PYGM: variants seen among roughly 807,000 people sequenced by gnomAD.
PYGM encodes the protein glycogen phosphorylase, muscle form.
In PYGM, 81 loss-of-function variants were observed where a neutral mutation model predicts 99.3. The ratio of observed to expected loss-of-function variants is 0.82; its 90% CI spans 0.68 to 0.98. PYGM has a LOEUF of 0.98. Ranked by LOEUF, PYGM falls within the 50% of genes least tolerant of loss-of-function variation. The pLI is 0.00. For synonymous variants in PYGM, 436 were observed against 451.5 expected, an observed-to-expected ratio of 0.97 and a Z score of 0.44; for missense variants, 1,030 against 1,158.1, an observed-to-expected ratio of 0.89 and a Z score of 1.61.
chr11:64,758,541 C>T lies in PYGM; in HGVS notation c.346-26G>A, dbSNP rs757383264. ...CTGGAGGAGTGAGGGTGACAGTGGT[C>T]AGGGTCAAGTGTCAGCAGTGGAATC... On this transcript the variant is annotated intron_variant, in intron 2 of 19. Transcript: ENST00000164139. 71 of 1,613,916 alleles carry T rather than the reference C, an allele frequency of 4.4e-5. 1 individual carries two copies. In the South Asian group the frequency reaches 7.2e-4, roughly 16 times the overall value.
chr11:64,759,485 C>T (rs1592416697), intron 1 of PYGM, among the ~76,000 whole-genome samples, 171 bp downstream of exon 1: 1 of 152,212 alleles, frequency 6.6e-6, no homozygotes, highest in South Asian at 2.1e-4. Context: ...GACCCCCACT[C>T]CTGCCCCAGG....
At position 64,757,786 on chromosome 11, in the gene PYGM, TC is replaced by T. The variant is rs1284647830; in HGVS notation, c.652del (p.Asp218ThrfsTer77). Reference sequence around the variant, plus strand: ...CCCCAGCTTCATCCTCACCTGTGTGTCCACCCACTTGGCACCCTGGCTGGTG... The same window carrying T: ...CCCCAGCTTCATCCTCACCTGTGTGTCACCCACTTGGCACCCTGGCTGGTG... ...EHTSQGAKWVDTQVVLAMPYD... is the reference protein window; with the variant it reads ...EHTSQGAKWVXTQVVLAMPYD... On this transcript the variant is annotated frameshift_variant, in exon 5 of 20. Coordinates refer to ENST00000164139, the MANE Select transcript of PYGM (RefSeq NM_005609.4). LOFTEE classifies it high-confidence loss of function. The T allele has an allele frequency of 1.2e-6, 2 of 1,614,142 alleles. No individual in the cohort carries two copies. Among genetic ancestry groups the T allele is most frequent in the Non-Finnish European group, 1.7e-6 (2 of 1,180,014 alleles).
chr11:64,746,547 AG>A lies in PYGM; in HGVS notation c.*111del. On this transcript the variant is annotated 3_prime_UTR_variant, in exon 20 of 20. Transcript: ENST00000164139. Reference sequence around the variant, plus strand: ...TGAGAGTGGGGAAAATGAGGGTTCCAGGAGGGGCTTAGAGATCTAACTCCAG... The same window carrying A: ...TGAGAGTGGGGAAAATGAGGGTTCCAGAGGGGCTTAGAGATCTAACTCCAG... 1 of 1,432,488 alleles carries A rather than the reference AG, an allele frequency of 7.0e-7. No homozygotes were observed. 88.7% of individuals were successfully genotyped at this position (1,432,488 alleles called of 1,614,324 possible). A position where few individuals can be genotyped will look rare whatever the true frequency, so the allele number is the denominator to read the frequency against.
chr11:64,753,726 C>T lies in PYGM; in HGVS notation c.1240-44G>A, dbSNP rs779761879. On this transcript the variant is annotated intron_variant, in intron 10 of 19. Coordinates refer to ENST00000164139, the MANE Select transcript of PYGM (RefSeq NM_005609.4). ...GAGCTAGAACCAGACCCAGGAACCC[C>T]CATCCCCAGTCCCCAGCCCCACACC... 6 of 1,569,880 alleles carry T rather than the reference C, an allele frequency of 3.8e-6. No homozygotes were observed. The Admixed American group carries it at 1.1e-4, about 29-fold the overall frequency.
rs1454829684 is a variant in PYGM, at chr11:64,750,396, C to T, written c.2157G>A (p.Val719=). ...CATACCCTCTTTGGTCAAGCTTATC[C>T]ACATCCTCCACCCGCATGCCAAAGA... is the stretch of plus-strand genomic sequence containing the variant. The part of the protein sequence containing the change: ...FFIFGMRVED[V]DKLDQRGYNA... The change falls in exon 17 of 20, where the codon GTG becomes GTA. Residue 719 remains valine (V), a synonymous_variant. Coordinates refer to ENST00000164139, the MANE Select transcript of PYGM (RefSeq NM_005609.4). 7 of 1,614,110 alleles carry T rather than the reference C, an allele frequency of 4.3e-6. No homozygotes were observed. Among genetic ancestry groups the T allele is most frequent in the Non-Finnish European group, 5.9e-6 (7 of 1,180,014 alleles).
chr11:64,752,132 C>T (rs2058361292), intron 13 of PYGM, 61 bp from the exon 14 acceptor site: 2 of 1,610,172 alleles, frequency 1.2e-6, no homozygotes, highest in African/African-American at 1.3e-5. Flanking sequence ...ATCCTACAGT[C>T]CACACTCCAG....
chr11:64,748,747 A>G (rs1476387118), intron 17 of PYGM: 2 of 152,194 alleles, frequency 1.3e-5, no homozygotes, highest in African/African-American at 4.8e-5. Flanking sequence ...TCTCTCTCCA[A>G]TGCTAAGATA....
Position 64,759,765 on chromosome 11 carries a change from T to C in PYGM, c.134A>G (p.Asn45Ser), listed in dbSNP as rs769985937. Residue 45 changes from asparagine to serine, a missense_variant, in exon 1 of 20, where the codon AAT becomes AGT. By Grantham distance (46) the Asn-to-Ser change is conservative. Coordinates refer to ENST00000164139, the MANE Select transcript of PYGM (RefSeq NM_005609.4). ...GTAGTAGTCTCGTGGGGTGGCCACA[T>C]TGCGGTCCTTTACGAGTGTGAAATG... is the stretch of plus-strand genomic sequence containing the variant. ...HLHFTLVKDR[N>S]VATPRDYYFA... The C allele has an allele frequency of 3.1e-6, 5 of 1,614,086 alleles. No homozygotes were observed. In the South Asian group the frequency reaches 3.3e-5, roughly 11 times the overall value.
At chr11:64,759,234 C>T (rs1359667431) in intron 1 of PYGM, among the ~76,000 whole-genome samples, 1 of 152,100 alleles carries the variant, frequency 6.6e-6, no homozygotes, top group Non-Finnish European at 1.5e-5. Flanking sequence ...CACTCCCCAC[C>T]GAGGCGTGTC....
In PYGM at chr11:64,750,441, C is replaced by T. The variant is rs61737361; in HGVS notation, c.2112G>A (p.Ala704=). 199 of 1,614,134 alleles carry T rather than the reference C, an allele frequency of 1.2e-4. No homozygotes were observed. The African/African-American group carries it at 2.1e-3, about 17-fold the overall frequency. Residue 704 remains alanine, a synonymous_variant, in exon 17 of 20, where the codon GCG becomes GCA. Coordinates refer to ENST00000164139, the MANE Select transcript of PYGM (RefSeq NM_005609.4). ...DGANVEMAEE[A]GEENFFIFGM... The stretch of plus-strand genomic sequence containing the variant: ...CAAAGATGAAGAAGTTTTCCTCTCC[C>T]GCCTCTTCTGCCATCTCCACATTGG...
rs753315905 is a variant in PYGM at position 64,746,559 on chromosome 11, G to C, written c.*100C>G. ...AAATGAGGGTTCCAGGAGGGGCTTA[G>C]AGATCTAACTCCAGTACCCCACCCT... On this transcript the variant is annotated 3_prime_UTR_variant, in exon 20 of 20. Coordinates refer to ENST00000164139, the MANE Select transcript of PYGM (RefSeq NM_005609.4). 3 of 1,503,684 alleles carry C rather than the reference G, an allele frequency of 2.0e-6. No homozygotes were observed. The highest frequency in any genetic ancestry group is 2.8e-6 in the Non-Finnish European group (3 of 1,089,578). 93.1% of individuals were successfully genotyped at this position (1,503,684 alleles called of 1,614,324 possible).
Position 64,750,414 on chromosome 11 carries a change from G to A in PYGM, c.2139C>T (p.Gly713=). The part of the protein sequence containing the change: ...EAGEENFFIF[G]MRVEDVDKLD... ...GCTTATCCACATCCTCCACCCGCAT[G>A]CCAAAGATGAAGAAGTTTTCCTCTC... The change falls in exon 17 of 20, where the codon GGC becomes GGT. Residue 713 remains glycine (G), a synonymous_variant. Transcript: ENST00000164139. 1.2e-6 allele frequency: 2 copies of A among 1,614,114 alleles called. No individual in the cohort carries two copies. Among genetic ancestry groups the A allele is most frequent in the South Asian group, 1.1e-5 (1 of 91,080 alleles).
intron 15 of PYGM, 40 bp from the exon 16 acceptor site, chr11:64,751,506 C>T (rs752212975): frequency 1.2e-6 from 2 of 1,614,108 alleles, no homozygotes; most frequent in East Asian, 2.2e-5. Flanking sequence ...ACTGCCTGGC[C>T]CCCCACCCCC....
At chr11:64,753,222 C>G (rs760077100) in intron 11 of PYGM, 35 bp from the exon 12 acceptor site, 1 of 1,551,624 alleles carries the variant, frequency 6.4e-7, no homozygotes, top group African/African-American at 1.4e-5. Flanking sequence ...TCACCACTCA[C>G]CCCTGTACAA....
At chr11:64,760,334 C>T, upstream of PYGM, 1 of 214,550 alleles carries the variant, frequency 4.7e-6, no homozygotes, top group Non-Finnish European at 9.6e-6. Flanking sequence ...CCAGGACCCC[C>T]TGCAGGCTGT....
intron 1 of PYGM, 85 bp downstream of exon 1, chr11:64,759,571 C>T (rs754593474): frequency 1.6e-5 from 25 of 1,586,806 alleles, no homozygotes; most frequent in Admixed American, 1.3e-4. Flanking sequence ...CCTAGAGTGA[C>T]GAGGGGCAGC....
intron 12 of PYGM, 119 bp downstream of exon 12, chr11:64,752,954 A>G (rs1446784120): frequency 7.3e-6 from 7 of 955,968 alleles, no homozygotes; most frequent in African/African-American, 3.2e-5. Context: ...AACACAGTGC[A>G]GGAGGGATTT....
chr11:64,754,377 C>A lies in PYGM; in HGVS notation c.1000-32G>T. The A allele has an allele frequency of 6.6e-7, 1 of 1,522,770 alleles. No individual in the cohort carries two copies. The highest frequency in any genetic ancestry group is 9.1e-7 in the Non-Finnish European group (1 of 1,098,032). The allele number at this position is 1,522,770 out of a possible 1,614,324, so 94.3% of individuals were successfully genotyped here. ...TAGGGGGAGGGGTCAGTCTGGGCTC[C>A]AAACCACATTCCATGCTATGGTCAC... On this transcript the variant is annotated intron_variant, in intron 8 of 19. Coordinates refer to ENST00000164139, the MANE Select transcript of PYGM (RefSeq NM_005609.4). This position sits in a 1 kb window ranked among gnomAD's most constrained non-coding sequence, Gnocchi z 5.5.
chr11:64,752,357 G>A, intron 13 of PYGM, 46 bp downstream of exon 13: 1 of 1,591,442 alleles, frequency 6.3e-7, no homozygotes, highest in Non-Finnish European at 8.6e-7. Context: ...GGCCCCTCCA[G>A]CGCTCTCCAC....
Sources: gnomAD v4.1 joint callset for allele counts (sites outside exome capture counted in the v4.1 genomes callset) on GRCh38, gnomAD v4.1.1 for gene constraint, Gnocchi (gnomAD v3.1) non-coding constraint, MANE v1.5 for transcripts, NCBI Gene and HGNC (gene_info 2026-07-23, HGNC 2026-07-21) for gene names.